Variants in SNX9 observed in about 807,000 individuals in gnomAD.
The protein encoded by SNX9 is sorting nexin-9.
Under a neutral mutation model 89.4 loss-of-function variants are expected in SNX9, and 44 were observed. The observed-to-expected ratio is 0.49, with a 90% confidence interval of 0.39 to 0.63. The LOEUF (loss-of-function observed/expected upper bound fraction) is 0.63, where lower values mean the gene tolerates loss of function less well. Ranked by LOEUF, SNX9 falls within the 30% of genes least tolerant of loss-of-function variation. The probability of loss-of-function intolerance (pLI) is 0.00; values close to 1 mark genes in which losing one functional copy is unlikely to be tolerated. For missense variants in SNX9, 578 were observed against 736.1 expected (o/e 0.79, Z 2.49); for synonymous variants, 236 against 247.8 (o/e 0.95, Z 0.45).
chr6:157,870,148 C>T (rs964810011), intron 2 of SNX9, among the ~76,000 whole-genome samples: 2 of 151,554 alleles, frequency 1.3e-5, no homozygotes, highest in African/African-American at 2.4e-5. Flanking sequence ...AGCACACACA[C>T]CCCTCACTCA....
chr6:157,894,072 CTG>C (rs939611970), intron 4 of SNX9, among the ~76,000 whole-genome samples: 2 of 147,246 alleles, frequency 1.4e-5, no homozygotes, highest in African/African-American at 5.1e-5. Context: ...AGCTGGATCC[CTG>C]TATCATTTCT....
At chr6:157,919,859 C>T (rs1484679353) in intron 9 of SNX9, among the ~76,000 whole-genome samples, 1 of 152,030 alleles carries the variant, frequency 6.6e-6, no homozygotes, top group East Asian at 1.9e-4. Flanking sequence ...CTGAGTTTAC[C>T]TCTCTGAAGG....
At chr6:157,824,104 C>T (rs1445189505) in intron 1 of SNX9, among the ~76,000 whole-genome samples, 2 of 152,208 alleles carry the variant, frequency 1.3e-5, no homozygotes, top group Non-Finnish European at 2.9e-5. Context: ...CTTTCGATTA[C>T]GTGTTTGCCT....
intron 7 of SNX9, among the ~76,000 whole-genome samples, chr6:157,907,722 C>T (rs1043053149): frequency 6.6e-6 from 1 of 152,178 alleles, no homozygotes; most frequent in Admixed American, 6.5e-5. Flanking sequence ...CCTGTGTGGG[C>T]GTCTATACAT....
At chr6:157,876,325 A>ATG (rs1782520601) in intron 4 of SNX9, among the ~76,000 whole-genome samples, 1 of 152,116 alleles carries the variant, frequency 6.6e-6, no homozygotes, top group Non-Finnish European at 1.5e-5. Flanking sequence ...GGTGGCAGGC[A>ATG]CCTGTAATCC....
intron 15 of SNX9, among the ~76,000 whole-genome samples, chr6:157,938,268 A>G (rs767866384): frequency 1.1e-4 from 16 of 152,264 alleles, no homozygotes; most frequent in South Asian, 2.1e-4. Context: ...CTGTGTGCAC[A>G]TGCTGCCCTG....
At chr6:157,939,179 T>G (rs1405474922) in intron 16 of SNX9, among the ~76,000 whole-genome samples, 1 of 152,022 alleles carries the variant, frequency 6.6e-6, no homozygotes, top group Admixed American at 6.6e-5. Flanking sequence ...GGTTTGAGTG[T>G]TTTTGAGCAG....
intron 1 of SNX9, among the ~76,000 whole-genome samples, chr6:157,832,256 A>C (rs940002152): frequency 3.3e-5 from 5 of 152,206 alleles, no homozygotes; most frequent in African/African-American, 4.8e-5. Flanking sequence ...AACTTTAGGG[A>C]TAAATTAAAG....
chr6:157,929,164 G>C (rs1783757963), intron 12 of SNX9, among the ~76,000 whole-genome samples: 1 of 152,204 alleles, frequency 6.6e-6, no homozygotes, highest in Admixed American at 6.5e-5. Context: ...GTCGCTGTCA[G>C]TCACGGCTTT....
At chr6:157,942,240 T>C (rs1405694584) in intron 17 of SNX9, among the ~76,000 whole-genome samples, 2 of 152,242 alleles carry the variant, frequency 1.3e-5, no homozygotes, top group African/African-American at 4.8e-5. Flanking sequence ...GTGTTTCTTA[T>C]ATACCAAGCC....
At chr6:157,884,668 A>G (rs1157093364) in intron 4 of SNX9, among the ~76,000 whole-genome samples, 1 of 151,918 alleles carries the variant, frequency 6.6e-6, no homozygotes, top group African/African-American at 2.4e-5. Flanking sequence ...GTGTTAGAGG[A>G]TTTATGGACA....
At chr6:157,844,597 T>G (rs1351553352) in intron 1 of SNX9, among the ~76,000 whole-genome samples, 3 of 139,182 alleles carry the variant, frequency 2.2e-5, no homozygotes, top group African/African-American at 8.6e-5. Flanking sequence ...GTTTTTTTTT[T>G]TTGTTTTTTT....
At chr6:157,883,571 A>T (rs946175078) in intron 4 of SNX9, among the ~76,000 whole-genome samples, 3 of 152,242 alleles carry the variant, frequency 2.0e-5, no homozygotes, top group African/African-American at 7.2e-5. Flanking sequence ...TTCCAAGCTC[A>T]GTTCTATTTC....
chr6:157,895,422 A>G (rs891196062), intron 4 of SNX9, among the ~76,000 whole-genome samples: 43 of 152,334 alleles, frequency 2.8e-4, no homozygotes, highest in African/African-American at 1.0e-3. Context: ...GATCCATCTT[A>G]GTTGATAAAG....
At chr6:157,865,144 G>A (rs974398651) in intron 1 of SNX9, among the ~76,000 whole-genome samples, 1 of 151,970 alleles carries the variant, frequency 6.6e-6, no homozygotes, top group South Asian at 2.1e-4. Flanking sequence ...TTTGAGACCA[G>A]CCTGACCAAC....
chr6:157,824,306 A>G lies in SNX9; in HGVS notation c.12+860A>G, dbSNP rs544623868. Among the ~76,000 whole-genome samples the G allele has an allele frequency of 5.3e-5, 8 of 152,290 alleles. No homozygotes were observed. The South Asian group carries it at 8.3e-4, about 16-fold the overall frequency. On this transcript the variant is annotated intron_variant, in intron 1 of 17. Transcript: ENST00000392185. ...GTTTTCAGTAGTTACTTGATGTAGA[A>G]TAGCCACTGGGGAAGTCACGGTCAC...
chr6:157,866,872 A>G lies in SNX9; in HGVS notation c.13-675A>G, dbSNP rs900055005. ...GAGAGTCAGTGTTCCCAGAATGAAC[A>G]GTTTGTGTATTTCCACTTCTTACCT... On this transcript the variant is annotated intron_variant, in intron 1 of 17. Coordinates refer to ENST00000392185, the MANE Select transcript of SNX9 (RefSeq NM_016224.5). Among the ~76,000 whole-genome samples, 6 of 152,202 alleles carry G rather than the reference A, an allele frequency of 3.9e-5. No individual in the cohort carries two copies. In the East Asian group the frequency reaches 1.2e-3, roughly 29 times the overall value.
intron 1 of SNX9, among the ~76,000 whole-genome samples, chr6:157,834,842 C>T (rs905196568): frequency 1.3e-5 from 2 of 152,128 alleles, no homozygotes; most frequent in Admixed American, 1.3e-4. Context: ...CCAGATTAGT[C>T]TGATGCAATT....
intron 10 of SNX9, 98 bp from the exon 11 acceptor site, chr6:157,927,013 A>T (rs1457235948): frequency 7.0e-6 from 6 of 856,824 alleles, no homozygotes; most frequent in Non-Finnish European, 1.1e-5. Context: ...TGAAAATTAG[A>T]AAGATAAAGG....
Sources: gnomAD v4.1 joint callset for allele counts (sites outside exome capture counted in the v4.1 genomes callset) on GRCh38, gnomAD v4.1.1 for gene constraint, MANE v1.5 for transcripts, NCBI Gene and HGNC (gene_info 2026-07-23, HGNC 2026-07-21) for gene names.